The following GALNTL6 variants were observed in gnomAD, a reference collection of about 807,000 sequenced individuals.
GALNTL6 encodes the protein polypeptide N-acetylgalactosaminyltransferase like 6.
GALNTL6 carries 46 observed loss-of-function variants against 73.7 expected under a neutral mutation model. The observed-to-expected ratio is 0.62, with a 90% CI of 0.49 to 0.80. The LOEUF is 0.80. GALNTL6 is among the 30% of genes least tolerant of loss of function. The pLI, the probability that GALNTL6 is intolerant of heterozygous loss-of-function variation, is 0.00. For missense variants in GALNTL6, 604 were observed against 755.0 expected (o/e 0.80, Z 2.34); for synonymous variants, 259 against 263.7 (o/e 0.98, Z 0.17).
At chr4:172,534,165 G>A (rs1005689859) in intron 5 of GALNTL6, among the ~76,000 whole-genome samples, 4 of 152,152 alleles carry the variant, frequency 2.6e-5, no homozygotes, top group African/African-American at 9.7e-5. Flanking sequence ...CACCCAATGG[G>A]TGCGAAGCTG....
At chr4:171,974,666 G>A (rs1453783551) in intron 2 of GALNTL6, among the ~76,000 whole-genome samples, 1 of 152,040 alleles carries the variant, frequency 6.6e-6, no homozygotes, top group Non-Finnish European at 1.5e-5. Context: ...GAAACTAAAA[G>A]TATGTTTTAA....
At chr4:171,825,898 G>T (rs1579486835) in intron 2 of GALNTL6, among the ~76,000 whole-genome samples, 2 of 152,262 alleles carry the variant, frequency 1.3e-5, no homozygotes, top group Admixed American at 1.3e-4. Flanking sequence ...TGTGATGTGA[G>T]AAATATTTTT....
chr4:172,245,190 C>T (rs1331380726), intron 3 of GALNTL6, among the ~76,000 whole-genome samples: 2 of 152,098 alleles, frequency 1.3e-5, no homozygotes, highest in African/African-American at 4.8e-5. Context: ...TAGTTTAACT[C>T]GTTCCTGCAT....
intron 2 of GALNTL6, among the ~76,000 whole-genome samples, chr4:172,041,494 G>A (rs1274597320): frequency 6.6e-6 from 1 of 152,018 alleles, no homozygotes; most frequent in Non-Finnish European, 1.5e-5. Flanking sequence ...ACAGACATTT[G>A]TAATCCACTG....
intron 2 of GALNTL6, among the ~76,000 whole-genome samples, chr4:172,055,613 C>T (rs1393184833): frequency 2.0e-5 from 3 of 152,044 alleles, no homozygotes; most frequent in East Asian, 1.9e-4. Context: ...ATCCAAAGTC[C>T]GTTTAGTCAA....
Position 172,351,771 on chromosome 4 carries a change from GT to G in GALNTL6, c.553+3089del, listed in dbSNP as rs368915465. On this transcript the variant is annotated intron_variant, in intron 5 of 12. Coordinates refer to ENST00000506823, the MANE Select transcript of GALNTL6 (RefSeq NM_001034845.3). ...GAATTCTGTTGGATTCCTTTAGGAA[GT>G]TTTTTTGTTTGTTTTACACTTTAAA... Among the ~76,000 whole-genome samples the G allele has an allele frequency of 1.1e-3, 165 of 152,162 alleles. 1 individual carries two copies. The East Asian group carries it at 0.021, about 19-fold the overall frequency.
intron 4 of GALNTL6, among the ~76,000 whole-genome samples, chr4:172,327,756 C>T (rs1740992993): frequency 6.6e-6 from 1 of 152,018 alleles, no homozygotes; most frequent in Non-Finnish European, 1.5e-5. Context: ...AGATTTTCCT[C>T]CATTTCTTTA....
intron 2 of GALNTL6, among the ~76,000 whole-genome samples, chr4:171,825,605 G>A (rs1236734305): frequency 6.6e-6 from 1 of 152,078 alleles, no homozygotes; most frequent in Non-Finnish European, 1.5e-5. Context: ...ATGAAATACA[G>A]AGAGGAAAAT....
At chr4:172,320,805 C>T (rs1021899311) in intron 4 of GALNTL6, among the ~76,000 whole-genome samples, 18 of 152,196 alleles carry the variant, frequency 1.2e-4, no homozygotes, top group African/African-American at 3.1e-4. Context: ...GAAACCCCTA[C>T]GAATACCACT....
chr4:172,963,624 T>G (rs569006203), intron 10 of GALNTL6, among the ~76,000 whole-genome samples: 14 of 152,266 alleles, frequency 9.2e-5, no homozygotes, highest in African/African-American at 3.4e-4. Flanking sequence ...CACCTGCCAT[T>G]CACAGCTTTG....
chr4:172,381,787 G>T (rs1351341262), intron 5 of GALNTL6, among the ~76,000 whole-genome samples: 1 of 152,120 alleles, frequency 6.6e-6, no homozygotes, highest in Admixed American at 6.5e-5. Context: ...CCACTTGAGT[G>T]TATACTTAGG....
chr4:172,259,284 T>A (rs1314120327), intron 3 of GALNTL6, among the ~76,000 whole-genome samples: 4 of 151,456 alleles, frequency 2.6e-5, no homozygotes, highest in African/African-American at 9.7e-5. Context: ...TTAAATTTTT[T>A]AAATTATGGC....
At chr4:172,184,477 G>A (rs1034470746) in intron 2 of GALNTL6, among the ~76,000 whole-genome samples, 5 of 152,128 alleles carry the variant, frequency 3.3e-5, no homozygotes, top group African/African-American at 1.2e-4. Flanking sequence ...CTTTTATTTT[G>A]AAAGTAGAGT....
intron 2 of GALNTL6, among the ~76,000 whole-genome samples, chr4:172,168,447 T>C (rs1734700919): frequency 6.6e-6 from 1 of 152,166 alleles, no homozygotes; most frequent in Non-Finnish European, 1.5e-5. Flanking sequence ...ATACATAGAT[T>C]GGCATATAGA....
chr4:171,837,854 C>T (rs1207884031), intron 2 of GALNTL6, among the ~76,000 whole-genome samples: 1 of 150,850 alleles, frequency 6.6e-6, no homozygotes, highest in Non-Finnish European at 1.5e-5. Flanking sequence ...CCTACAAAAT[C>T]ATCCCTGAGA....
At chr4:172,890,167 C>A (rs141324316) in intron 8 of GALNTL6, among the ~76,000 whole-genome samples, 4 of 151,968 alleles carry the variant, frequency 2.6e-5, no homozygotes, top group Non-Finnish European at 5.9e-5. Context: ...ATCTTGCTAG[C>A]GGTCTATTGA....
intron 3 of GALNTL6, among the ~76,000 whole-genome samples, chr4:172,308,787 G>A (rs1169734946): frequency 6.6e-6 from 1 of 152,096 alleles, no homozygotes; most frequent in Admixed American, 6.6e-5. Context: ...AAACATTTCC[G>A]CACGTTATAT....
chr4:172,998,468 C>T (rs7658116), intron 10 of GALNTL6, among the ~76,000 whole-genome samples: 1,932 of 152,210 alleles, frequency 0.013, 35 homozygotes, highest in African/African-American at 0.045. Context: ...TTTAATTCTG[C>T]TTTTCTCCTG....
chr4:172,711,359 A>G (rs1262073104), intron 5 of GALNTL6, among the ~76,000 whole-genome samples: 2 of 152,142 alleles, frequency 1.3e-5, no homozygotes, highest in Non-Finnish European at 2.9e-5. Flanking sequence ...AGGAAGAGGA[A>G]TGGGCTCAGG....
Sources: gnomAD v4.1 joint callset for allele counts (sites outside exome capture counted in the v4.1 genomes callset) on GRCh38, gnomAD v4.1.1 for gene constraint, MANE v1.5 for transcripts, NCBI Gene and HGNC (gene_info 2026-07-23, HGNC 2026-07-21) for gene names.